The following BRD3 variants were observed in gnomAD, a reference collection of about 807,000 sequenced individuals.
The protein encoded by BRD3 is bromodomain-containing protein 3.
In BRD3, 17 loss-of-function variants were observed where a neutral mutation model predicts 66.8. The ratio of observed to expected loss-of-function variants is 0.25; its 90% confidence interval spans 0.17 to 0.38. BRD3 has a LOEUF of 0.38. BRD3 is among the 10% of genes least tolerant of loss of function. The pLI is 1.00. For missense variants in BRD3, 713 were observed against 956.1 expected, an observed-to-expected ratio of 0.75 and a Z score of 3.35; for synonymous variants, 421 against 393.2, an observed-to-expected ratio of 1.07 and a Z score of -0.84.
intron 1 of BRD3, among the ~76,000 whole-genome samples, chr9:134,064,132 C>G (rs116028490): frequency 5.3e-5 from 8 of 152,208 alleles, no homozygotes; most frequent in African/African-American, 1.7e-4. Context: ...TCCAGCCACA[C>G]GCACAGGTCC....
intron 1 of BRD3, among the ~76,000 whole-genome samples, chr9:134,063,398 C>T (rs1055152537): frequency 7.2e-5 from 11 of 152,172 alleles, no homozygotes; most frequent in African/African-American, 2.2e-4. Context: ...CAGATGGGGG[C>T]GGGTGGCACC....
At chr9:134,053,148 C>T in intron 2 of BRD3, 117 bp downstream of exon 2, 4 of 1,182,368 alleles carry the variant, frequency 3.4e-6, no homozygotes, top group Non-Finnish European at 4.9e-6. Context: ...AGGCTGTCCC[C>T]AGCTTAGCAG....
chr9:134,043,120 T>C (rs1481055313), intron 7 of BRD3, among the ~76,000 whole-genome samples: 2 of 152,208 alleles, frequency 1.3e-5, no homozygotes, highest in Admixed American at 1.3e-4. Context: ...ATTATAGATG[T>C]GAGCCACCAC....
In BRD3 at chr9:134,067,683, CGGGAGCGGGAGGAG is replaced by C. The variant is rs1330376570; in HGVS notation, c.-114+248_-114+261del. ...CGAGTCCGGGACGGAGGCGGCCAAG[CGGGAGCGGGAGGAG>C]GGGAGCGGAGCCCGCGCCACCGCCG... On this transcript the variant is annotated intron_variant, in intron 1 of 11. Transcript: ENST00000303407. 2.7e-5 allele frequency among the ~76,000 whole-genome samples: 4 copies of C among 146,100 alleles called. No individual in the cohort carries two copies. The East Asian group carries it at 6.0e-4, about 22-fold the overall frequency.
intron 1 of BRD3, chr9:134,058,638 T>C (rs1830474852): frequency 2.0e-5 from 3 of 151,808 alleles, no homozygotes; most frequent in South Asian, 2.1e-4. Context: ...TCCCGGGGGG[T>C]AGAGGTGTCT....
chr9:134,044,922 T>G (rs1260756699), intron 7 of BRD3, among the ~76,000 whole-genome samples: 3 of 152,136 alleles, frequency 2.0e-5, no homozygotes, highest in Non-Finnish European at 4.4e-5. Flanking sequence ...CAGGCTAGTG[T>G]CCAAGCCTCT....
At chr9:134,058,012 G>A (rs1367405775) in intron 1 of BRD3, 1 of 152,350 alleles carries the variant, frequency 6.6e-6, no homozygotes, top group African/African-American at 2.4e-5. Flanking sequence ...GCGAGAGGGA[G>A]GCATGGAGCG....
intron 1 of BRD3, chr9:134,056,906 G>A (rs1830437448): frequency 6.6e-6 from 1 of 152,378 alleles, no homozygotes; most frequent in Non-Finnish European, 1.5e-5. Flanking sequence ...TGGGTGGACA[G>A]GCTAGAGCCA....
In BRD3 at chr9:134,041,804, A is replaced by C. The variant is rs780935416; in HGVS notation, c.1363T>G (p.Ser455Ala). The change falls in exon 8 of 12, where the codon TCG (serine) becomes GCG (alanine). Residue 455 changes from serine to alanine, a missense_variant. Ser to Ala is a moderately conservative substitution (Grantham distance 99). Around this residue, in one of 5 missense-constraint regions of BRD3, gnomAD observed 418 missense variants for 609.3 expected, o/e 0.69. Coordinates refer to ENST00000303407, the MANE Select transcript of BRD3 (RefSeq NM_007371.4). ...AGCCTGGTGGCCCGCTCCTCCTCCG[A>C]GTCCGAGCTGCCTGAGTCCGAAGAG... Reference protein sequence around the residue: ...ESSSDSGSSDSEEERATRLAE... With the variant: ...ESSSDSGSSDAEEERATRLAE... 2.5e-6 allele frequency: 4 copies of C among 1,612,536 alleles called. No homozygotes were observed. The highest frequency in any genetic ancestry group is 1.3e-5 in the African/African-American group (1 of 74,916).
intron 9 of BRD3, among the ~76,000 whole-genome samples, chr9:134,037,330 G>C (rs1304238801): frequency 1.3e-5 from 2 of 152,342 alleles, no homozygotes; most frequent in East Asian, 3.9e-4. Context: ...CCAGCACTTT[G>C]GGAGGCCAAG....
At chr9:134,047,971 GC>G (rs1830210920) in intron 6 of BRD3, 111 bp downstream of exon 6, 6 of 1,383,402 alleles carry the variant, frequency 4.3e-6, no homozygotes, top group Non-Finnish European at 4.7e-6. Context: ...CGCTTCTCCG[GC>G]AAGCGAGACC....
rs150376928 is a variant in BRD3, at chr9:134,050,619, C to T, written c.500-31G>A. The T allele has an allele frequency of 5.0e-5, 77 of 1,552,664 alleles. No individual in the cohort carries two copies. In the East Asian group the frequency reaches 1.7e-3, roughly 35 times the overall value. ...AGACAAGGAAGGGATGTTCAACACA[C>T]CAGGCTCCACTAGTATTTCCAGAAG... On this transcript the variant is annotated intron_variant, in intron 4 of 11. Transcript: ENST00000303407.
At position 134,047,924 on chromosome 9, in the gene BRD3, G is replaced by C. The variant is rs915403472; in HGVS notation, c.1086+159C>G. 6.7e-6 allele frequency: 7 copies of C among 1,046,506 alleles called. No homozygotes were observed. In the African/African-American group the frequency reaches 1.1e-4, roughly 17 times the overall value. The allele number at this position is 1,046,506 out of a possible 1,614,324, so 64.8% of individuals were successfully genotyped here. A position where few individuals can be genotyped will look rare whatever the true frequency, so the allele number is the denominator to read the frequency against. ...ACGCCTTCCTCGCTGAGCCTTGCCA[G>C]CCACAGCCGGCGCTGCGGGGGCCAG... On this transcript the variant is annotated intron_variant, in intron 6 of 11. Coordinates refer to ENST00000303407, the MANE Select transcript of BRD3 (RefSeq NM_007371.4).
intron 7 of BRD3, among the ~76,000 whole-genome samples, chr9:134,044,167 G>A (rs936715735): frequency 6.6e-6 from 1 of 152,210 alleles, no homozygotes; most frequent in Non-Finnish European, 1.5e-5. Flanking sequence ...CCAGGGTTCT[G>A]ACGGCTTCCT....
At chr9:134,061,758 C>T (rs2132453774) in intron 1 of BRD3, among the ~76,000 whole-genome samples, 1 of 152,332 alleles carries the variant, frequency 6.6e-6, no homozygotes, top group East Asian at 1.9e-4. Context: ...CAGAGAAGGC[C>T]AGAGCCAGCT....
At chr9:134,067,527 C>T (rs960826555) in intron 1 of BRD3, among the ~76,000 whole-genome samples, 1 of 148,132 alleles carries the variant, frequency 6.8e-6, no homozygotes, top group African/African-American at 2.4e-5. Context: ...GTTCCCCCTT[C>T]GAAAGATGGC....
chr9:134,051,847 ATG>A (rs752502651), intron 3 of BRD3, 138 bp from the exon 4 acceptor site: 8,311 of 509,776 alleles, frequency 0.016, 5 homozygotes, highest in Middle Eastern at 0.022. Context: ...AAATGAATAT[ATG>A]TGTGTGTGTG....
chr9:134,051,971 A>G (rs1259556279), intron 3 of BRD3, among the ~76,000 whole-genome samples: 3 of 145,840 alleles, frequency 2.1e-5, no homozygotes, highest in Non-Finnish European at 3.0e-5. Flanking sequence ...GCTCACTGCA[A>G]CCTCCACCTC....
Position 134,050,299 on chromosome 9 carries a change from C to G in BRD3, c.714+75G>C, listed in dbSNP as rs1588288807. On this transcript the variant is annotated intron_variant, in intron 5 of 11. Coordinates refer to ENST00000303407, the MANE Select transcript of BRD3 (RefSeq NM_007371.4). ...TCAGGGAAAGGTGGGGGCCCCCCGC[C>G]TGCTGCTCCTGCCCTGACCTCAGGA... 2.7e-5 allele frequency: 39 copies of G among 1,461,410 alleles called. No homozygotes were observed. In the East Asian group the frequency reaches 9.0e-4, roughly 34 times the overall value. The allele number at this position is 1,461,410 out of a possible 1,614,324, so 90.5% of individuals were successfully genotyped here. A position where few individuals can be genotyped will look rare whatever the true frequency, so the allele number is the denominator to read the frequency against.
Sources: gnomAD v4.1 joint callset for allele counts (sites outside exome capture counted in the v4.1 genomes callset) on GRCh38, gnomAD v4.1.1 for gene constraint, gnomAD v4.1.1 regional missense constraint, MANE v1.5 for transcripts, NCBI Gene and HGNC (gene_info 2026-07-23, HGNC 2026-07-21) for gene names.